Variants in P2RY8 observed in about 807,000 individuals in gnomAD.
The protein encoded by P2RY8 is P2Y receptor family member 8.
Under a neutral mutation model 10.0 loss-of-function variants are expected in P2RY8, and 6 were observed. That is an observed-to-expected ratio of 0.60 (90% CI 0.33 to 1.19). The LOEUF (loss-of-function observed/expected upper bound fraction) is 1.19. P2RY8 is among the 50% of genes most tolerant of loss of function. P2RY8 has a pLI of 0.04. For synonymous variants in P2RY8, 276 were observed against 252.5 expected, an observed-to-expected ratio of 1.09 and a Z score of -0.88; for missense variants, 456 against 542.0, an observed-to-expected ratio of 0.84 and a Z score of 1.58.
chrX:1,524,495 A>C (rs1283564970), intron 1 of P2RY8, among the ~76,000 whole-genome samples: 3 of 144,446 alleles, frequency 2.1e-5, no homozygotes. Context: ...CCATCCATAC[A>C]TCCACGCATC....
rs183954401 is a variant in P2RY8, at chrX:1,516,654, C to T, written c.-25+20267G>A. On this transcript the variant is annotated intron_variant, in intron 1 of 1. Transcript: ENST00000381297. ...CCCTGCCTACACCTGGATCTCAGAC[C>T]TCCAGCTCCAGGATTGTGGGAGAAT... 3.9e-3 allele frequency among the ~76,000 whole-genome samples: 572 copies of T among 144,958 alleles called. 1 individual carries two copies. The highest frequency in any genetic ancestry group is 0.014 in the African/African-American group (543 of 39,018).
chrX:1,535,367 T>C (rs1483966161), intron 1 of P2RY8, among the ~76,000 whole-genome samples: 1 of 151,452 alleles, frequency 6.6e-6, no homozygotes, highest in Non-Finnish European at 1.5e-5. Flanking sequence ...TTGGTATTTT[T>C]AGTAGAGACG....
chrX:1,468,720 ACCC>A (rs2091728033), intron 1 of P2RY8, among the ~76,000 whole-genome samples: 1 of 140,096 alleles, frequency 7.1e-6, no homozygotes, highest in Non-Finnish European at 1.6e-5. Context: ...TGTAGGTGGG[ACCC>A]TCCTCTCCTC....
intron 1 of P2RY8, among the ~76,000 whole-genome samples, chrX:1,489,229 C>G: frequency 6.8e-6 from 1 of 147,704 alleles, no homozygotes; most frequent in Non-Finnish European, 1.5e-5. Flanking sequence ...TAAATGATAC[C>G]CAGAGATTCC....
chrX:1,468,128 G>C (rs1229984773), intron 1 of P2RY8, among the ~76,000 whole-genome samples: 1 of 150,336 alleles, frequency 6.7e-6, no homozygotes, highest in Non-Finnish European at 1.5e-5. Flanking sequence ...TGTAGACATG[G>C]GGTTTGGCTA....
In P2RY8 at chrX:1,463,072, C is replaced by T. The variant is rs1246984208; in HGVS notation, c.*2407G>A. ...GCACGTTGTCGAGGAAGGATATTGTCTCGGCTTCCTCTGACTCAAGCTCTC... is the reference window on the plus strand; with the variant it reads ...GCACGTTGTCGAGGAAGGATATTGTTTCGGCTTCCTCTGACTCAAGCTCTC... On this transcript the variant is annotated 3_prime_UTR_variant, in exon 2 of 2. Transcript: ENST00000381297. The T allele has an allele frequency of 4.3e-6, 1 of 233,090 alleles. No homozygotes were observed. Among genetic ancestry groups the T allele is most frequent in the East Asian group, 6.0e-5 (1 of 16,598 alleles). 14.4% of individuals were successfully genotyped at this position (233,090 alleles called of 1,614,324 possible).
intron 1 of P2RY8, among the ~76,000 whole-genome samples, chrX:1,524,411 A>G (rs1385392637): frequency 8.4e-6 from 1 of 119,758 alleles, no homozygotes; most frequent in African/African-American, 3.1e-5. Context: ...CCATGCATGC[A>G]TCCATCCATC....
chrX:1,474,431 A>G, intron 1 of P2RY8, among the ~76,000 whole-genome samples: 1 of 96,086 alleles, frequency 1.0e-5, no homozygotes, highest in Non-Finnish European at 2.3e-5. Context: ...GAGTGGATGG[A>G]TGGGTGGATA....
intron 1 of P2RY8, among the ~76,000 whole-genome samples, chrX:1,510,861 A>G (rs2092293584): frequency 6.6e-6 from 1 of 151,894 alleles, no homozygotes; most frequent in African/African-American, 2.4e-5. Flanking sequence ...CCTGGGCAAC[A>G]GAGTGTGACT....
At chrX:1,496,353 A>G (rs1398061416) in intron 1 of P2RY8, among the ~76,000 whole-genome samples, 1 of 152,128 alleles carries the variant, frequency 6.6e-6, no homozygotes, top group Non-Finnish European at 1.5e-5. Flanking sequence ...GTTATTCACA[A>G]TTGTTCAGTG....
chrX:1,491,273 G>C (rs772786733), intron 1 of P2RY8, among the ~76,000 whole-genome samples: 3 of 152,294 alleles, frequency 2.0e-5, no homozygotes, highest in East Asian at 1.9e-4. Context: ...CAAATGTAGA[G>C]AGAATGAATG....
intron 1 of P2RY8, among the ~76,000 whole-genome samples, chrX:1,509,377 T>C (rs1344100868): frequency 9.2e-5 from 4 of 43,316 alleles, no homozygotes; most frequent in Non-Finnish European, 1.7e-4. Context: ...CCATCTATTC[T>C]ATCTATCTAT....
intron 1 of P2RY8, among the ~76,000 whole-genome samples, chrX:1,488,811 T>A (rs1402078888): frequency 7.3e-6 from 1 of 137,396 alleles, no homozygotes; most frequent in Non-Finnish European, 1.7e-5. Context: ...TGGGTGCATG[T>A]ATGAATAACA....
chrX:1,524,606 TATCCATCCATCCATCCATTCATCCATCC>T (rs2092422057), intron 1 of P2RY8, among the ~76,000 whole-genome samples: 2 of 16,502 alleles, frequency 1.2e-4, no homozygotes, highest in Non-Finnish European at 2.3e-4. Context: ...TTCATCCATC[TATCCATCCATCCATCCATTCATCCATCC>T]ATCCATCCAT....
intron 1 of P2RY8, among the ~76,000 whole-genome samples, chrX:1,509,886 CTA>C (rs2092285921): frequency 6.6e-6 from 1 of 151,546 alleles, no homozygotes; most frequent in Non-Finnish European, 1.5e-5. Context: ...TCCATTCTAT[CTA>C]TCTATGTATG....
At chrX:1,513,156 G>C (rs1471381710) in intron 1 of P2RY8, among the ~76,000 whole-genome samples, 3 of 151,874 alleles carry the variant, frequency 2.0e-5, no homozygotes, top group East Asian at 3.9e-4. Context: ...TTTGCTGAGA[G>C]TGACTTTCTG....
intron 1 of P2RY8, among the ~76,000 whole-genome samples, chrX:1,517,380 T>G (rs1442570510): frequency 6.6e-6 from 1 of 152,122 alleles, no homozygotes; most frequent in Non-Finnish European, 1.5e-5. Flanking sequence ...AAGGTCTGGC[T>G]TTTAAACCAC....
In P2RY8 at chrX:1,463,330, C is replaced by G. The variant is rs1416496303; in HGVS notation, c.*2149G>C. On this transcript the variant is annotated 3_prime_UTR_variant, in exon 2 of 2. Transcript: ENST00000381297. ...TAATTTTCCTCCTTCTGTGGAAGTT[C>G]TGGGTCTCTTACGCATCCTCCAGTT... 17 of 232,838 alleles carry G rather than the reference C, an allele frequency of 7.3e-5. No individual in the cohort carries two copies. Among genetic ancestry groups the G allele is most frequent in the African/African-American group, 3.8e-4 (17 of 45,292 alleles). 14.4% of individuals were successfully genotyped at this position (232,838 alleles called of 1,614,324 possible).
chrX:1,517,194 G>A (rs1313425521), intron 1 of P2RY8, among the ~76,000 whole-genome samples: 14 of 149,300 alleles, frequency 9.4e-5, no homozygotes, highest in Non-Finnish European at 1.5e-4. Flanking sequence ...GTATTCTGTG[G>A]TAGCAGCCTG....
Sources: gnomAD v4.1 joint callset for allele counts (sites outside exome capture counted in the v4.1 genomes callset) on GRCh38, gnomAD v4.1.1 for gene constraint, MANE v1.5 for transcripts, NCBI Gene and HGNC (gene_info 2026-07-23, HGNC 2026-07-21) for gene names.